The following PLCB1 variants were observed in gnomAD, a reference collection of about 807,000 sequenced individuals.
The protein encoded by PLCB1 is 1-phosphatidylinositol 4,5-bisphosphate phosphodiesterase beta-1.
A neutral mutation model predicts 161.8 loss-of-function variants in PLCB1; 46 were observed. The ratio of observed to expected loss-of-function variants is 0.28; its 90% CI spans 0.22 to 0.36. The LOEUF is 0.36. Among genes scored for constraint, PLCB1 ranks in the 10% least tolerant of loss-of-function variants. The probability of loss-of-function intolerance (pLI) is 1.00; values close to 1 mark genes in which losing one functional copy is unlikely to be tolerated. For missense variants in PLCB1, 1,016 were observed against 1,472.5 expected (o/e 0.69, Z 5.07); for synonymous variants, 517 against 503.7 (o/e 1.03, Z -0.35).
At chr20:8,136,526 T>TGA (rs1486861627) in intron 1 of PLCB1, among the ~76,000 whole-genome samples, 4 of 151,058 alleles carry the variant, frequency 2.6e-5, no homozygotes, top group Non-Finnish European at 4.4e-5. Context: ...CTCGGGAGGC[T>TGA]GAGGCAGGAG....
At chr20:8,402,259 G>T (rs373436256) in intron 3 of PLCB1, among the ~76,000 whole-genome samples, 12 of 152,136 alleles carry the variant, frequency 7.9e-5, no homozygotes, top group African/African-American at 2.9e-4. Flanking sequence ...TAAGTGATGA[G>T]ATTAATGTTA....
rs528035111 is a variant in PLCB1 at position 8,335,427 on chromosome 20, C to G, written c.178-35955C>G. ...AAGTCCTAGACACCTCCCTCTAACCCACAACCTCCTAAATAGTTCACATTA... is the reference window on the plus strand; with the variant it reads ...AAGTCCTAGACACCTCCCTCTAACCGACAACCTCCTAAATAGTTCACATTA... On this transcript the variant is annotated intron_variant, in intron 2 of 31. Transcript: ENST00000338037. Among the ~76,000 whole-genome samples the G allele has an allele frequency of 3.3e-5, 5 of 152,326 alleles. No homozygotes were observed. In the East Asian group the frequency reaches 9.6e-4, roughly 29 times the overall value.
intron 9 of PLCB1, among the ~76,000 whole-genome samples, chr20:8,674,050 T>TC (rs768740524): frequency 6.6e-6 from 1 of 152,116 alleles, no homozygotes; most frequent in African/African-American, 2.4e-5. Context: ...TCCAGCTCCC[T>TC]CCCCCCTTAA....
intron 3 of PLCB1, among the ~76,000 whole-genome samples, chr20:8,622,253 A>C (rs1159952077): frequency 1.4e-5 from 2 of 144,886 alleles, no homozygotes; most frequent in Non-Finnish European, 3.1e-5. Flanking sequence ...ACTCTGCCTC[A>C]GGAAAAAAAA....
chr20:8,827,304 A>C (rs1195249729), intron 31 of PLCB1, among the ~76,000 whole-genome samples: 4 of 152,190 alleles, frequency 2.6e-5, no homozygotes, highest in Admixed American at 6.5e-5. Flanking sequence ...TGCATTTGCT[A>C]TGTGTGTTTC....
chr20:8,537,089 T>A (rs73598284), intron 3 of PLCB1, among the ~76,000 whole-genome samples: 1 of 152,292 alleles, frequency 6.6e-6, no homozygotes, highest in Admixed American at 6.5e-5. Flanking sequence ...CAATTCTTGC[T>A]TCCTCAGAAG....
At chr20:8,666,822 G>A (rs1989823002) in intron 9 of PLCB1, among the ~76,000 whole-genome samples, 1 of 152,106 alleles carries the variant, frequency 6.6e-6, no homozygotes, top group South Asian at 2.1e-4. Flanking sequence ...AATGTGTAGG[G>A]AAAAGCTTTA....
chr20:8,400,021 A>G (rs11904999), intron 3 of PLCB1, among the ~76,000 whole-genome samples: 5,412 of 152,274 alleles, frequency 0.036, 175 homozygotes, highest in African/African-American at 0.086. Context: ...CTGTGGGAAC[A>G]GATTAATGCT....
intron 4 of PLCB1, among the ~76,000 whole-genome samples, chr20:8,644,073 A>C (rs1989055169): frequency 6.6e-6 from 1 of 152,228 alleles, no homozygotes; most frequent in African/African-American, 2.4e-5. Context: ...CCGGGATTGC[A>C]GACGGAGTCT....
chr20:8,214,981 C>T (rs1294587837), intron 2 of PLCB1, among the ~76,000 whole-genome samples: 1 of 152,070 alleles, frequency 6.6e-6, no homozygotes, highest in Admixed American at 6.6e-5. Context: ...ATAGGTTTCC[C>T]ACCATCTAAT....
At chr20:8,737,286 T>C (rs1356305295) in intron 20 of PLCB1, 94 bp downstream of exon 20, 2 of 1,111,800 alleles carry the variant, frequency 1.8e-6, no homozygotes, top group Non-Finnish European at 2.6e-6. Flanking sequence ...TGTTATTTAA[T>C]TTGAAAATTT....
intron 3 of PLCB1, among the ~76,000 whole-genome samples, chr20:8,433,019 G>A (rs958868987): frequency 6.6e-6 from 1 of 152,160 alleles, no homozygotes; most frequent in Admixed American, 6.5e-5. Flanking sequence ...GTTTCCCAGA[G>A]CAAACAGATT....
At chr20:8,797,300 T>C (rs1478336769) in intron 31 of PLCB1, among the ~76,000 whole-genome samples, 2 of 152,120 alleles carry the variant, frequency 1.3e-5, no homozygotes, top group African/African-American at 4.8e-5. Context: ...TGTGTCTAAA[T>C]ATGTGTTTGA....
intron 31 of PLCB1, among the ~76,000 whole-genome samples, chr20:8,875,610 T>G (rs746852934): frequency 6.6e-6 from 1 of 150,896 alleles, no homozygotes; most frequent in Non-Finnish European, 1.5e-5. Flanking sequence ...CAAAATGACC[T>G]GAGTTGGACT....
chr20:8,377,737 G>T (rs750533628), intron 3 of PLCB1, among the ~76,000 whole-genome samples: 1 of 152,182 alleles, frequency 6.6e-6, no homozygotes, highest in Non-Finnish European at 1.5e-5. Context: ...GAATTGGGTT[G>T]CCATGTCCTC....
chr20:8,716,622 T>C (rs1029450939), intron 13 of PLCB1, among the ~76,000 whole-genome samples: 2 of 152,176 alleles, frequency 1.3e-5, no homozygotes, highest in African/African-American at 4.8e-5. Flanking sequence ...AATCAGCCCA[T>C]AGAGACAGTC....
At chr20:8,774,367 G>A (rs915258463) in intron 26 of PLCB1, among the ~76,000 whole-genome samples, 172 bp from the exon 27 acceptor site, 3 of 152,166 alleles carry the variant, frequency 2.0e-5, no homozygotes, top group African/African-American at 7.2e-5. Context: ...TGGGATTGGA[G>A]ACACTCTATT....
chr20:8,372,947 A>G (rs765553260), intron 3 of PLCB1, among the ~76,000 whole-genome samples: 14 of 152,128 alleles, frequency 9.2e-5, no homozygotes, highest in East Asian at 1.9e-4. Context: ...CTGCTGCCAC[A>G]TGGAGGGTTT....
chr20:8,449,949 G>A (rs145417531), intron 3 of PLCB1, among the ~76,000 whole-genome samples: 4 of 152,274 alleles, frequency 2.6e-5, no homozygotes, highest in South Asian at 2.1e-4. Flanking sequence ...AAACCTAGGC[G>A]TATTTGGGAA....
Sources: gnomAD v4.1 joint callset for allele counts (sites outside exome capture counted in the v4.1 genomes callset) on GRCh38, gnomAD v4.1.1 for gene constraint, MANE v1.5 for transcripts, NCBI Gene and HGNC (gene_info 2026-07-23, HGNC 2026-07-21) for gene names.